HS3ST3B1: variants seen among roughly 807,000 people sequenced by gnomAD.
HS3ST3B1 encodes the protein heparan sulfate glucosamine 3-O-sulfotransferase 3B1.
HS3ST3B1 carries 13 observed loss-of-function variants against 21.3 expected under a neutral mutation model. The observed-to-expected ratio is 0.61, with a 90% confidence interval of 0.40 to 0.97. The LOEUF (loss-of-function observed/expected upper bound fraction) is 0.97. HS3ST3B1 is among the 50% of genes least tolerant of loss of function. HS3ST3B1 has a pLI of 0.00. For missense variants in HS3ST3B1, 459 were observed against 554.8 expected (o/e 0.83, Z 1.73); for synonymous variants, 234 against 254.8 (o/e 0.92, Z 0.78).
intron 1 of HS3ST3B1, among the ~76,000 whole-genome samples, chr17:14,322,898 C>CTTTTTTTTTTTTTTTTT (rs34065582): frequency 1.1e-5 from 1 of 94,586 alleles, no homozygotes; most frequent in Non-Finnish European, 2.2e-5. Context: ...GTGTCTATGT[C>CTTTTTTTTTTTTTTTTT]TTTTTTTTTT....
At chr17:14,338,280 C>A (rs188926053) in intron 1 of HS3ST3B1, among the ~76,000 whole-genome samples, 1 of 149,240 alleles carries the variant, frequency 6.7e-6, no homozygotes, top group East Asian at 2.0e-4. Context: ...TGCGTGCCGC[C>A]ACGCCCGGCT....
At position 14,301,692 on chromosome 17, in the gene HS3ST3B1, G is replaced by T; in HGVS notation, c.174G>T (p.Ala58=). ...CGTGCGCCGGCTCCTGCGCCGCCGC[G>T]CCGGGGCTGCTGCTCCTGGGCTCTG... ...LYSCAGSCAA[A]PGLLLLGSGS... is the part of the protein sequence containing the mutation. The change falls in exon 1 of 2, where the codon GCG becomes GCT. Residue 58 remains alanine, a synonymous_variant. Coordinates refer to ENST00000360954, the MANE Select transcript of HS3ST3B1 (RefSeq NM_006041.3). The T allele has an allele frequency of 6.2e-7, 1 of 1,600,948 alleles. No homozygotes were observed. Among genetic ancestry groups the T allele is most frequent in the Non-Finnish European group, 8.5e-7 (1 of 1,175,956 alleles).
chr17:14,310,269 C>T (rs879645326), intron 1 of HS3ST3B1, among the ~76,000 whole-genome samples: 1 of 152,116 alleles, frequency 6.6e-6, no homozygotes, highest in Non-Finnish European at 1.5e-5. Flanking sequence ...CCGCGCTGTT[C>T]ACACACGCCA....
chr17:14,326,594 C>A (rs1005817938), intron 1 of HS3ST3B1, among the ~76,000 whole-genome samples: 1 of 152,126 alleles, frequency 6.6e-6, no homozygotes, highest in African/African-American at 2.4e-5. Flanking sequence ...ATAGGAGCAT[C>A]TTTTGTTCCT....
intron 1 of HS3ST3B1, among the ~76,000 whole-genome samples, chr17:14,321,113 G>T (rs1235304924): frequency 6.6e-6 from 1 of 152,240 alleles, no homozygotes; most frequent in Non-Finnish European, 1.5e-5. Context: ...AGTGTCTGAG[G>T]ATGGAGTTTG....
intron 1 of HS3ST3B1, among the ~76,000 whole-genome samples, 179 bp from the exon 2 acceptor site, chr17:14,344,849 C>T (rs1910500761): frequency 6.6e-6 from 1 of 152,194 alleles, no homozygotes; most frequent in Non-Finnish European, 1.5e-5. Context: ...GGTACCTGCC[C>T]TCCAAACCAG....
chr17:14,306,771 T>G (rs1270642498), intron 1 of HS3ST3B1, among the ~76,000 whole-genome samples: 1 of 152,036 alleles, frequency 6.6e-6, no homozygotes. Context: ...AATTACACTC[T>G]CTTAGTCCCA....
At chr17:14,329,313 G>GAA (rs1379843590) in intron 1 of HS3ST3B1, 5 of 128,882 alleles carry the variant, frequency 3.9e-5, no homozygotes, top group South Asian at 2.6e-4. Context: ...AAGAGAGAAA[G>GAA]AGAGAAAGAA....
chr17:14,335,088 G>C (rs973703565), intron 1 of HS3ST3B1, among the ~76,000 whole-genome samples: 1 of 152,158 alleles, frequency 6.6e-6, no homozygotes, highest in African/African-American at 2.4e-5. Flanking sequence ...CCTGTCCCGT[G>C]CTCTTGGGAT....
chr17:14,344,656 C>G (rs1910496015), intron 1 of HS3ST3B1, among the ~76,000 whole-genome samples: 2 of 152,072 alleles, frequency 1.3e-5, no homozygotes, highest in African/African-American at 4.8e-5. Context: ...GTCCCGGGTG[C>G]TATAGTTTTA....
chr17:14,342,969 A>C (rs955847057), intron 1 of HS3ST3B1, among the ~76,000 whole-genome samples: 9 of 152,080 alleles, frequency 5.9e-5, no homozygotes, highest in Non-Finnish European at 1.2e-4. Flanking sequence ...AATGGCCGGG[A>C]GCAGTGGCTC....
intron 1 of HS3ST3B1, among the ~76,000 whole-genome samples, chr17:14,314,454 T>C (rs1159147620): frequency 6.6e-6 from 1 of 152,164 alleles, no homozygotes; most frequent in Non-Finnish European, 1.5e-5. Flanking sequence ...CCCCTTCTGG[T>C]TACCGTCCCC....
At chr17:14,307,165 C>T (rs1274496489) in intron 1 of HS3ST3B1, among the ~76,000 whole-genome samples, 1 of 152,070 alleles carries the variant, frequency 6.6e-6, no homozygotes, top group Non-Finnish European at 1.5e-5. Context: ...TATCATTGAA[C>T]AGGTCTCTAA....
At chr17:14,329,850 T>A (rs984496496) in intron 1 of HS3ST3B1, among the ~76,000 whole-genome samples, 1 of 152,204 alleles carries the variant, frequency 6.6e-6, no homozygotes, top group African/African-American at 2.4e-5. Flanking sequence ...TAACAGCATT[T>A]CTCTCATCCA....
intron 1 of HS3ST3B1, chr17:14,327,398 G>C (rs982927476): frequency 2.6e-5 from 4 of 152,184 alleles, no homozygotes; most frequent in African/African-American, 7.2e-5. Context: ...AAGTTCAATG[G>C]GGGGAGATGG....
At position 14,346,757 on chromosome 17, in the gene HS3ST3B1, T is replaced by C. The variant is rs529894884; in HGVS notation, c.*1111T>C. The C allele has an allele frequency of 6.6e-6, 1 of 152,352 alleles. No homozygotes were observed. Among genetic ancestry groups the C allele is most frequent in the East Asian group, 1.9e-4 (1 of 5,176 alleles). The allele number at this position is 152,352 out of a possible 1,614,324, so 9.4% of individuals were successfully genotyped here. ...TCAAGATGATCTCCTTTAATTTGCA[T>C]GAAACTACACCATGCTGCGTTCCCC... On this transcript the variant is annotated 3_prime_UTR_variant, in exon 2 of 2. Transcript: ENST00000360954.
At chr17:14,312,667 G>T (rs1909343482) in intron 1 of HS3ST3B1, among the ~76,000 whole-genome samples, 1 of 151,794 alleles carries the variant, frequency 6.6e-6, no homozygotes, top group Admixed American at 6.6e-5. Flanking sequence ...TCTGACCGAG[G>T]CCTGCTCCCA....
chr17:14,335,459 C>T (rs888995758), intron 1 of HS3ST3B1, among the ~76,000 whole-genome samples: 3 of 152,120 alleles, frequency 2.0e-5, no homozygotes, highest in Admixed American at 6.5e-5. Context: ...CTTTGGGAGG[C>T]CAAGGAGGGT....
chr17:14,332,829 CTT>C (rs71147859), intron 1 of HS3ST3B1, among the ~76,000 whole-genome samples: 10,514 of 90,868 alleles, frequency 0.12, 968 homozygotes, highest in African/African-American at 0.27. Flanking sequence ...GACCTTTTAT[CTT>C]TTTTTTTTTT....
Sources: allele counts gnomAD v4.1 joint callset (sites outside exome capture counted in the v4.1 genomes callset), GRCh38; gene constraint gnomAD v4.1.1; transcripts MANE v1.5; gene names NCBI Gene and HGNC (gene_info 2026-07-23, HGNC 2026-07-21).